EYS: variants seen among roughly 807,000 people sequenced by gnomAD.
EYS encodes protein eyes shut homolog.
EYS carries 250 observed loss-of-function variants against 282.1 expected under a neutral mutation model. The ratio of observed to expected loss-of-function variants is 0.89; its 90% CI spans 0.80 to 0.98. The LOEUF (loss-of-function observed/expected upper bound fraction) is 0.98, where lower values mean the gene tolerates loss of function less well. Ranked by LOEUF, EYS falls within the 50% of genes least tolerant of loss-of-function variation. The pLI is 0.00. For synonymous variants in EYS, 1,355 were observed against 1,282.9 expected (o/e 1.06, Z -1.20); for missense variants, 4,016 against 3,709.0 (o/e 1.08, Z -2.15).
At chr6:64,798,968 C>A (rs1774449679) in intron 22 of EYS, among the ~76,000 whole-genome samples, 1 of 151,904 alleles carries the variant, frequency 6.6e-6, no homozygotes, top group Non-Finnish European at 1.5e-5. Flanking sequence ...TCACCTTGAT[C>A]ATTGCAGTAC....
chr6:65,135,810 G>C (rs1329803144), intron 12 of EYS, among the ~76,000 whole-genome samples: 2 of 151,952 alleles, frequency 1.3e-5, no homozygotes, highest in African/African-American at 4.8e-5. Context: ...ATAGCTCTCT[G>C]TGATGCTTAC....
chr6:64,736,764 G>C (rs749820275), intron 22 of EYS, among the ~76,000 whole-genome samples: 8 of 152,152 alleles, frequency 5.3e-5, no homozygotes, highest in Non-Finnish European at 1.0e-4. Context: ...GTCAGACACT[G>C]AGTCAAGGCT....
chr6:65,644,637 A>C lies in EYS; in HGVS notation c.-447-4745T>G, dbSNP rs536241280. ...ATTAGGTTATCTGAAGTCAAGACAA[A>C]GGAAAGAATCTTAACAGCAGTGAGG... On this transcript the variant is annotated intron_variant, in intron 1 of 42. Coordinates refer to ENST00000503581, the MANE Select transcript of EYS (RefSeq NM_001142800.2). Among the ~76,000 whole-genome samples, 24 of 152,342 alleles carry C rather than the reference A, an allele frequency of 1.6e-4. 1 individual carries two copies. In the South Asian group the frequency reaches 4.8e-3, roughly 30 times the overall value.
At chr6:65,365,303 G>C (rs1359001415) in intron 8 of EYS, among the ~76,000 whole-genome samples, 1 of 151,514 alleles carries the variant, frequency 6.6e-6, no homozygotes, top group Non-Finnish European at 1.5e-5. Context: ...CCCTCCATCT[G>C]CCTGCCTTCT....
chr6:64,976,577 T>A (rs1033563232), intron 14 of EYS, among the ~76,000 whole-genome samples: 1 of 151,894 alleles, frequency 6.6e-6, no homozygotes, highest in Non-Finnish European at 1.5e-5. Context: ...AAAGCAGTAA[T>A]CTCATTTATT....
chr6:63,997,499 G>T (rs1172693463), intron 34 of EYS, among the ~76,000 whole-genome samples: 1 of 152,186 alleles, frequency 6.6e-6, no homozygotes, highest in Admixed American at 6.5e-5. Context: ...AGTTATAAAA[G>T]CATGTGACAG....
In EYS at chr6:63,721,333, T is replaced by C; in HGVS notation, c.8698A>G (p.Arg2900Gly). 2 of 1,552,006 alleles carry C rather than the reference T, an allele frequency of 1.3e-6. No individual in the cohort carries two copies. ...CTVNGTTFSC[R>G]CLPDWAGNTC... ...TTTCCAGCCCAATCTGGCAAACATC[T>C]GCAAGAAAAAGTTGTGCCATTTACT... is the stretch of plus-strand genomic sequence containing the variant. Residue 2900 changes from arginine (R) to glycine (G), a missense_variant, in exon 43 of 43, where the codon AGA (arginine) becomes GGA (glycine). Coordinates refer to ENST00000503581, the MANE Select transcript of EYS (RefSeq NM_001142800.2).
intron 26 of EYS, among the ~76,000 whole-genome samples, chr6:64,441,176 C>T (rs992522289): frequency 6.6e-6 from 1 of 152,056 alleles, no homozygotes; most frequent in Non-Finnish European, 1.5e-5. Context: ...AGTGACTGAC[C>T]ATCCATATCA....
At chr6:64,783,284 C>A (rs1031422380) in intron 22 of EYS, among the ~76,000 whole-genome samples, 1 of 151,522 alleles carries the variant, frequency 6.6e-6, no homozygotes, top group Non-Finnish European at 1.5e-5. Context: ...AAACCTTATC[C>A]TATATACATA....
chr6:63,836,162 T>C lies in EYS; in HGVS notation c.7228+28024A>G, dbSNP rs905427317. On this transcript the variant is annotated intron_variant, in intron 36 of 42. Transcript: ENST00000503581. ...ATTGCTAAACTGTTTTCTAAATTTA[T>C]TGCACCATTTTAGACTCCTACCAGC... Among the ~76,000 whole-genome samples, 6 of 152,170 alleles carry C rather than the reference T, an allele frequency of 3.9e-5. No individual in the cohort carries two copies. In the South Asian group the frequency reaches 1.2e-3, roughly 32 times the overall value.
intron 36 of EYS, among the ~76,000 whole-genome samples, chr6:63,843,243 T>C (rs1048937178): frequency 3.3e-5 from 5 of 152,210 alleles, no homozygotes; most frequent in African/African-American, 1.2e-4. Flanking sequence ...TCCATGAGCA[T>C]GGAACGTTTT....
At chr6:64,734,574 T>A (rs1772120414) in intron 22 of EYS, among the ~76,000 whole-genome samples, 1 of 152,226 alleles carries the variant, frequency 6.6e-6, no homozygotes, top group African/African-American at 2.4e-5. Context: ...TTTATGACTA[T>A]TTCTAAGTAT....
chr6:65,031,310 T>A (rs1465862902), intron 13 of EYS, among the ~76,000 whole-genome samples: 1 of 151,758 alleles, frequency 6.6e-6, no homozygotes, highest in Non-Finnish European at 1.5e-5. Context: ...CTTAAAGTAT[T>A]AGAGAGGTCA....
chr6:65,219,835 A>G (rs1397157487), intron 12 of EYS, among the ~76,000 whole-genome samples: 1 of 152,156 alleles, frequency 6.6e-6, no homozygotes, highest in Non-Finnish European at 1.5e-5. Context: ...ATGAGAACCA[A>G]GAGAAAGAGG....
At chr6:64,399,429 T>A (rs1773477979) in intron 28 of EYS, among the ~76,000 whole-genome samples, 1 of 151,852 alleles carries the variant, frequency 6.6e-6, no homozygotes, top group Admixed American at 6.6e-5. Flanking sequence ...TTTAAGTGAA[T>A]CCCATTATTG....
At chr6:64,422,012 G>C (rs1774251964) in intron 28 of EYS, among the ~76,000 whole-genome samples, 1 of 151,830 alleles carries the variant, frequency 6.6e-6, no homozygotes, top group Admixed American at 6.6e-5. Context: ...TGAGGGAAGG[G>C]GTAGAATCCA....
rs112961884 is a variant in EYS at position 64,156,450 on chromosome 6, G to A, written c.6424+74142C>T. On this transcript the variant is annotated intron_variant, in intron 31 of 42. Coordinates refer to ENST00000503581, the MANE Select transcript of EYS (RefSeq NM_001142800.2). ...TGAAAAGGAACTAATACAGTAAATT[G>A]GTACTAGAAGTGGGAGTGTTGCTGA... Among the ~76,000 whole-genome samples, 501 of 152,234 alleles carry A rather than the reference G, an allele frequency of 3.3e-3. 2 individuals carry two copies. The highest frequency in any genetic ancestry group is 0.012 in the African/African-American group (483 of 41,508).
chr6:64,656,964 T>C (rs1386037107), intron 22 of EYS, among the ~76,000 whole-genome samples: 1 of 152,150 alleles, frequency 6.6e-6, no homozygotes, highest in East Asian at 1.9e-4. Flanking sequence ...ATTATCAGTC[T>C]CCCATTATTA....
rs1035982000 is a variant in EYS, at chr6:65,330,465, G to A, written c.1766+4515C>T. 14 of 983,848 alleles carry A rather than the reference G, an allele frequency of 1.4e-5. No individual in the cohort carries two copies. In the African/African-American group the frequency reaches 2.1e-4, roughly 15 times the overall value. The allele number at this position is 983,848 out of a possible 1,614,324, so 60.9% of individuals were successfully genotyped here. A position where few individuals can be genotyped will look rare whatever the true frequency, so the allele number is the denominator to read the frequency against. On this transcript the variant is annotated intron_variant, in intron 11 of 42. Coordinates refer to ENST00000503581, the MANE Select transcript of EYS (RefSeq NM_001142800.2). Reference sequence around the variant, plus strand: ...CCTGGTCTTAAGTAACAATATGGCTGGTATGATTTAGTCTTTGGCTCATTA... The same window carrying A: ...CCTGGTCTTAAGTAACAATATGGCTAGTATGATTTAGTCTTTGGCTCATTA...
Sources: gnomAD v4.1 joint callset for allele counts (sites outside exome capture counted in the v4.1 genomes callset) on GRCh38, gnomAD v4.1.1 for gene constraint, MANE v1.5 for transcripts, NCBI Gene and HGNC (gene_info 2026-07-23, HGNC 2026-07-21) for gene names.